Variants in PCDH15 observed in about 807,000 individuals in gnomAD.
The protein encoded by PCDH15 is protocadherin-15.
In PCDH15, 129 loss-of-function variants were observed where a neutral mutation model predicts 178.5. The observed-to-expected ratio is 0.72, with a 90% CI of 0.63 to 0.84. The LOEUF (loss-of-function observed/expected upper bound fraction) is 0.84. Ranked by LOEUF, PCDH15 falls within the 40% of genes least tolerant of loss-of-function variation. The pLI is 0.00. For missense variants in PCDH15, 2,230 were observed against 2,099.9 expected (o/e 1.06, Z -1.21); for synonymous variants, 800 against 732.0 (o/e 1.09, Z -1.50).
chr10:54,433,771 A>G (rs576245649), intron 3 of PCDH15, among the ~76,000 whole-genome samples: 1 of 152,312 alleles, frequency 6.6e-6, no homozygotes, highest in African/African-American at 2.4e-5. Flanking sequence ...TGATTTTTAC[A>G]TATTACATGC....
At chr10:55,035,312 C>T (rs1840708306) in intron 2 of PCDH15, among the ~76,000 whole-genome samples, 1 of 152,058 alleles carries the variant, frequency 6.6e-6, no homozygotes, top group Non-Finnish European at 1.5e-5. Context: ...TCATACAACC[C>T]ATTACCCTGT....
At chr10:54,752,917 C>A (rs540795827) in intron 1 of PCDH15, among the ~76,000 whole-genome samples, 56 of 152,008 alleles carry the variant, frequency 3.7e-4, no homozygotes, top group Non-Finnish European at 7.1e-4. Context: ...AAATGAGGTT[C>A]GAAAATAATT....
intron 2 of PCDH15, among the ~76,000 whole-genome samples, chr10:55,120,467 G>T (rs1377396748): frequency 6.6e-6 from 1 of 151,798 alleles, no homozygotes; most frequent in African/African-American, 2.4e-5. Flanking sequence ...GGGAGTATAT[G>T]AATAAAAAAA....
chr10:55,134,453 T>G, intron 2 of PCDH15, among the ~76,000 whole-genome samples: 1 of 152,178 alleles, frequency 6.6e-6, no homozygotes, highest in East Asian at 1.9e-4. Context: ...GGAAAATATA[T>G]ACTGTACTGG....
rs185670388 is a variant in PCDH15 at position 54,211,015 on chromosome 10, T to C, written c.1098+2921A>G. ...ATTGGCCTTAATAATTAATGACTAGTAGCTTTGTATTAGATGCCTGAAGTA... is the reference window on the plus strand; with the variant it reads ...ATTGGCCTTAATAATTAATGACTAGCAGCTTTGTATTAGATGCCTGAAGTA... On this transcript the variant is annotated intron_variant, in intron 10 of 37. Coordinates refer to ENST00000644397, the MANE Select transcript of PCDH15 (RefSeq NM_001384140.1). Among the ~76,000 whole-genome samples the C allele has an allele frequency of 8.5e-5, 13 of 152,236 alleles. No homozygotes were observed. The East Asian group carries it at 2.5e-3, about 29-fold the overall frequency.
chr10:55,227,761 G>C (rs1272946189), intron 1 of PCDH15, among the ~76,000 whole-genome samples: 1 of 151,970 alleles, frequency 6.6e-6, no homozygotes, highest in Non-Finnish European at 1.5e-5. Flanking sequence ...TATAATAATG[G>C]GAACAATGAT....
intron 10 of PCDH15, among the ~76,000 whole-genome samples, chr10:54,199,609 G>A (rs1171470581): frequency 4.2e-5 from 4 of 95,018 alleles, no homozygotes; most frequent in African/African-American, 8.2e-5. Flanking sequence ...TACTTTGCTC[G>A]TTAGTGGGCC....
intron 13 of PCDH15, among the ~76,000 whole-genome samples, chr10:54,168,416 C>A (rs1201657681): frequency 6.6e-6 from 1 of 151,534 alleles, no homozygotes; most frequent in Non-Finnish European, 1.5e-5. Context: ...CATCTGACCT[C>A]TCCCTTCCTC....
At chr10:54,345,832 A>AAAAAAAAC (rs1943177753) in intron 6 of PCDH15, among the ~76,000 whole-genome samples, 1 of 136,462 alleles carries the variant, frequency 7.3e-6, no homozygotes, top group Non-Finnish European at 1.6e-5. Flanking sequence ...AAAAAAAAAA[A>AAAAAAAAC]AAGAAATCAT....
In PCDH15 at chr10:55,367,723, T is replaced by C. The variant is rs144826087; in HGVS notation, c.-155-201072A>G. 9.6e-3 allele frequency among the ~76,000 whole-genome samples: 1,462 copies of C among 152,300 alleles called. 8 individuals are homozygous for C. Among genetic ancestry groups the C allele is most frequent in the Non-Finnish European group, 0.015 (1,040 of 68,030 alleles). ...AAGGAAACATTTGATTGGCTACAGCTAGGTGTTTGCCTTATTTGGGCTGGA... is the reference window on the plus strand; with the variant it reads ...AAGGAAACATTTGATTGGCTACAGCCAGGTGTTTGCCTTATTTGGGCTGGA... On this transcript the variant is annotated intron_variant, in intron 2 of 5. Coordinates refer to the PCDH15 transcript ENST00000613346.
chr10:54,165,495 C>G lies in PCDH15; in HGVS notation c.1591-12202G>C, dbSNP rs189624887. 2.0e-3 allele frequency among the ~76,000 whole-genome samples: 299 copies of G among 152,232 alleles called. 4 individuals carry two copies. Among genetic ancestry groups the G allele is most frequent in the Non-Finnish European group, 4.9e-4 (33 of 67,988 alleles). ...GCCTGACTATTTAAAGGGCTTGTTTCTTTTCTGCAGCAACTTCATGATCCT... is the reference window on the plus strand; with the variant it reads ...GCCTGACTATTTAAAGGGCTTGTTTGTTTTCTGCAGCAACTTCATGATCCT... On this transcript the variant is annotated intron_variant, in intron 13 of 37. Coordinates refer to ENST00000644397, the MANE Select transcript of PCDH15 (RefSeq NM_001384140.1).
chr10:54,383,521 G>C (rs1269659444), intron 3 of PCDH15, among the ~76,000 whole-genome samples: 1 of 151,924 alleles, frequency 6.6e-6, no homozygotes, highest in Non-Finnish European at 1.5e-5. Context: ...GTGTAAATGG[G>C]AAAGGTTTAT....
intron 19 of PCDH15, among the ~76,000 whole-genome samples, chr10:54,020,768 A>T (rs906204512): frequency 1.3e-5 from 2 of 151,972 alleles, no homozygotes; most frequent in East Asian, 1.9e-4. Flanking sequence ...ACAGTAAAAA[A>T]ATAAATATTG....
chr10:54,198,429 G>A (rs568800666), intron 10 of PCDH15, among the ~76,000 whole-genome samples: 1 of 151,322 alleles, frequency 6.6e-6, no homozygotes, highest in Admixed American at 6.6e-5. Context: ...TACATGCAAG[G>A]CATTTTGAAC....
At chr10:54,853,289 G>GTGTATATATA (rs1249570811) in intron 3 of PCDH15, among the ~76,000 whole-genome samples, 95 of 102,530 alleles carry the variant, frequency 9.3e-4, no homozygotes, top group South Asian at 5.6e-3. Flanking sequence ...ATGTATGTGT[G>GTGTATATATA]TATATATATA....
At chr10:54,875,902 G>C (rs576862167) in intron 3 of PCDH15, among the ~76,000 whole-genome samples, 11 of 152,258 alleles carry the variant, frequency 7.2e-5, no homozygotes, top group African/African-American at 2.6e-4. Context: ...TAAGATAATT[G>C]ATGAAGGTAG....
At chr10:55,480,693 G>C (rs2132117196) in intron 2 of PCDH15, among the ~76,000 whole-genome samples, 3 of 151,852 alleles carry the variant, frequency 2.0e-5, no homozygotes, top group Admixed American at 2.0e-4. Flanking sequence ...ATTTAATCAT[G>C]GTGGATAAGC....
At chr10:55,049,752 A>G (rs1398310211) in intron 2 of PCDH15, among the ~76,000 whole-genome samples, 1 of 152,030 alleles carries the variant, frequency 6.6e-6, no homozygotes, top group African/African-American at 2.4e-5. Context: ...ATTTTCCTAA[A>G]CTTACTTAAA....
chr10:53,972,161 G>A (rs988849105), intron 21 of PCDH15, among the ~76,000 whole-genome samples: 10 of 152,040 alleles, frequency 6.6e-5, no homozygotes, highest in African/African-American at 2.2e-4. Context: ...GATCTTTGAC[G>A]AATGTGACCA....
Sources: allele counts gnomAD v4.1 joint callset (sites outside exome capture counted in the v4.1 genomes callset), GRCh38; gene constraint gnomAD v4.1.1; transcripts MANE v1.5; gene names NCBI Gene and HGNC (gene_info 2026-07-23, HGNC 2026-07-21).